The following HUNK variants were observed in gnomAD, a reference collection of about 807,000 sequenced individuals.
The protein encoded by HUNK is hormonally up-regulated neu tumor-associated kinase.
Under a neutral mutation model 61.0 loss-of-function variants are expected in HUNK, and 21 were observed. That is an observed-to-expected ratio of 0.34 (90% confidence interval 0.24 to 0.50). HUNK has a LOEUF of 0.50. HUNK is among the 20% of genes least tolerant of loss of function. The pLI is 0.98. For synonymous variants in HUNK, 371 were observed against 386.1 expected (o/e 0.96, Z 0.46); for missense variants, 772 against 945.7 (o/e 0.82, Z 2.41).
intron 1 of HUNK, among the ~76,000 whole-genome samples, chr21:31,912,563 A>T (rs1281453430): frequency 1.3e-5 from 2 of 151,954 alleles, no homozygotes; most frequent in African/African-American, 2.4e-5. Context: ...TTTGTTCGAG[A>T]TAGGGCCTCA....
intron 2 of HUNK, among the ~76,000 whole-genome samples, chr21:31,933,282 C>T (rs1399434627): frequency 6.6e-6 from 1 of 152,132 alleles, no homozygotes; most frequent in African/African-American, 2.4e-5. Context: ...TTTGAAGGCC[C>T]ATTGGCCAAG....
chr21:31,964,285 T>C (rs1330593144), intron 5 of HUNK, among the ~76,000 whole-genome samples: 2 of 152,162 alleles, frequency 1.3e-5, no homozygotes, highest in Non-Finnish European at 2.9e-5. Flanking sequence ...ATTTTTTAGC[T>C]TGGGAAGTGA....
At chr21:31,952,269 T>C (rs1010436479) in intron 4 of HUNK, among the ~76,000 whole-genome samples, 1 of 152,140 alleles carries the variant, frequency 6.6e-6, no homozygotes, top group Non-Finnish European at 1.5e-5. Context: ...TAAAAGTTGA[T>C]ACTGAAAGAT....
At chr21:31,923,318 A>C (rs186949413) in intron 1 of HUNK, among the ~76,000 whole-genome samples, 1 of 151,966 alleles carries the variant, frequency 6.6e-6, no homozygotes, top group Admixed American at 6.6e-5. Context: ...GTGTGTGCTT[A>C]TAGTCCCAGC....
At chr21:31,881,360 CTCACGCGTGTAA>C (rs1326654733) in intron 1 of HUNK, among the ~76,000 whole-genome samples, 1 of 152,162 alleles carries the variant, frequency 6.6e-6, no homozygotes, top group Admixed American at 6.5e-5. Flanking sequence ...GGCGTGGTGG[CTCACGCGTGTAA>C]TCCCAGCACT....
chr21:31,983,721 A>T (rs568879039), intron 8 of HUNK, 112 bp downstream of exon 8: 94 of 743,606 alleles, frequency 1.3e-4, no homozygotes, highest in Non-Finnish European at 2.0e-4. Context: ...CAAAAGACAC[A>T]TACTTACGCT....
Position 31,999,004 on chromosome 21 carries a change from T to C in HUNK, c.1965T>C (p.Asn655=), listed in dbSNP as rs1273147679. The part of the protein sequence containing the change: ...NGPMQPLGSP[N]CVKSRGRFPM... Reference sequence around the variant, plus strand: ...CCATGCAGCCTCTGGGGAGCCCCAATTGTGTGAAAAGCCGAGGCCGGTTCC... The same window carrying C: ...CCATGCAGCCTCTGGGGAGCCCCAACTGTGTGAAAAGCCGAGGCCGGTTCC... Residue 655 remains asparagine (N), a synonymous_variant, in exon 11 of 11, where the codon AAT becomes AAC. Coordinates refer to ENST00000270112, the MANE Select transcript of HUNK (RefSeq NM_014586.2). The C allele has an allele frequency of 6.2e-6, 10 of 1,613,938 alleles. No homozygotes were observed. The highest frequency in any genetic ancestry group is 1.7e-5 in the Admixed American group (1 of 60,006).
intron 2 of HUNK, among the ~76,000 whole-genome samples, chr21:31,939,205 G>T (rs1311481042): frequency 6.6e-6 from 1 of 152,002 alleles, no homozygotes; most frequent in Non-Finnish European, 1.5e-5. Context: ...ATTCCCTTGA[G>T]CTCTGTAAAG....
At chr21:31,923,591 GA>G (rs2052639189) in intron 1 of HUNK, among the ~76,000 whole-genome samples, 1 of 118,910 alleles carries the variant, frequency 8.4e-6, no homozygotes, top group Non-Finnish European at 1.8e-5. Flanking sequence ...GGGAGGGAGG[GA>G]GGGAGGGAAG....
chr21:31,887,978 G>A (rs2052359177), intron 1 of HUNK, among the ~76,000 whole-genome samples: 1 of 152,092 alleles, frequency 6.6e-6, no homozygotes, highest in South Asian at 2.1e-4. Context: ...AACATTTGTG[G>A]ATCTCGTACC....
chr21:31,896,284 G>GCTAA (rs1451782726), intron 1 of HUNK, among the ~76,000 whole-genome samples: 16 of 152,314 alleles, frequency 1.1e-4, no homozygotes, highest in South Asian at 1.0e-3. Context: ...TGTCCCAGAA[G>GCTAA]CTAAGGTCGG....
chr21:31,879,549 T>C (rs1383023051), intron 1 of HUNK, among the ~76,000 whole-genome samples: 5 of 152,162 alleles, frequency 3.3e-5, no homozygotes, highest in African/African-American at 9.7e-5. Flanking sequence ...GCAGAAACGG[T>C]GCCCACGGAG....
At chr21:31,997,619 A>C (rs2053214829) in intron 10 of HUNK, among the ~76,000 whole-genome samples, 1 of 152,224 alleles carries the variant, frequency 6.6e-6, no homozygotes, top group Non-Finnish European at 1.5e-5. Flanking sequence ...GATTTGCAAC[A>C]GGAAGACAGT....
intron 1 of HUNK, among the ~76,000 whole-genome samples, chr21:31,888,041 A>C (rs1471638177): frequency 2.0e-5 from 3 of 152,118 alleles, no homozygotes; most frequent in Admixed American, 1.3e-4. Context: ...CTTACTCTTC[A>C]TAGTAGCCTT....
intron 1 of HUNK, among the ~76,000 whole-genome samples, chr21:31,876,599 T>C (rs930494362): frequency 1.3e-5 from 2 of 152,184 alleles, no homozygotes; most frequent in African/African-American, 4.8e-5. Flanking sequence ...ATTTACAACC[T>C]GAAGTTCTTT....
At chr21:31,972,645 G>T (rs2053019894) in intron 6 of HUNK, among the ~76,000 whole-genome samples, 1 of 152,082 alleles carries the variant, frequency 6.6e-6, no homozygotes, top group Non-Finnish European at 1.5e-5. Flanking sequence ...GCATTGTTTT[G>T]GTAGACCTCA....
At chr21:31,943,081 A>G (rs1306674416) in intron 3 of HUNK, among the ~76,000 whole-genome samples, 3 of 151,536 alleles carry the variant, frequency 2.0e-5, no homozygotes, top group Non-Finnish European at 4.4e-5. Flanking sequence ...CTTCAAAGGC[A>G]TTACCTACTT....
At chr21:31,899,158 T>C (rs1039738988) in intron 1 of HUNK, among the ~76,000 whole-genome samples, 3 of 152,142 alleles carry the variant, frequency 2.0e-5, no homozygotes, top group African/African-American at 7.2e-5. Flanking sequence ...TTTACTTAGA[T>C]CTTCCCTTTT....
chr21:31,958,747 A>G, intron 4 of HUNK, 96 bp from the exon 5 acceptor site: 1 of 1,200,276 alleles, frequency 8.3e-7, no homozygotes, highest in Non-Finnish European at 1.1e-6. Context: ...TTGGCATGGA[A>G]GCAGCAGCTC....
Sources: allele counts gnomAD v4.1 joint callset (sites outside exome capture counted in the v4.1 genomes callset), GRCh38; gene constraint gnomAD v4.1.1; transcripts MANE v1.5; gene names NCBI Gene and HGNC (gene_info 2026-07-23, HGNC 2026-07-21).